The following PCNX2 variants were observed in gnomAD, a reference collection of about 807,000 sequenced individuals.
PCNX2 encodes pecanex 2, also known as pecanex-like protein 2.
Under a neutral mutation model 223.8 loss-of-function variants are expected in PCNX2, and 168 were observed. The ratio of observed to expected loss-of-function variants is 0.75; its 90% CI spans 0.66 to 0.85. The LOEUF (loss-of-function observed/expected upper bound fraction) is 0.85. Ranked by LOEUF, PCNX2 falls within the 40% of genes least tolerant of loss-of-function variation. The pLI is 0.00. For synonymous variants in PCNX2, 1,006 were observed against 1,052.6 expected (o/e 0.96, Z 0.86); for missense variants, 2,507 against 2,675.5 (o/e 0.94, Z 1.39).
At chr1:233,181,584 G>A (rs1016216229) in intron 15 of PCNX2, among the ~76,000 whole-genome samples, 4 of 152,066 alleles carry the variant, frequency 2.6e-5, no homozygotes, top group Admixed American at 6.6e-5. Context: ...TAGTCTGTTC[G>A]GGCTGATATA....
At chr1:233,101,392 G>C (rs1674478490) in intron 21 of PCNX2, among the ~76,000 whole-genome samples, 1 of 152,082 alleles carries the variant, frequency 6.6e-6, no homozygotes, top group African/African-American at 2.4e-5. Context: ...AATAGTAGCT[G>C]ACAATATGAG....
intron 10 of PCNX2, among the ~76,000 whole-genome samples, chr1:233,226,936 A>C (rs1240726662): frequency 1.3e-5 from 2 of 151,858 alleles, no homozygotes; most frequent in East Asian, 1.9e-4. Flanking sequence ...TTAAATACAA[A>C]CCATTTCTTA....
At chr1:233,322,035 C>T in the PCNX2 span, among the ~76,000 whole-genome samples, 23 of 152,108 alleles carry the variant, frequency 1.5e-4, no homozygotes, top group Non-Finnish European at 3.1e-4. Flanking sequence ...TTAAAGATTC[C>T]CAAACAGAAG....
At chr1:232,997,566 T>C (rs1669918287) in intron 32 of PCNX2, among the ~76,000 whole-genome samples, 1 of 152,242 alleles carries the variant, frequency 6.6e-6, no homozygotes, top group Non-Finnish European at 1.5e-5. Flanking sequence ...ATCTCTTTCA[T>C]GTTCCCAGGA....
intron 13 of PCNX2, among the ~76,000 whole-genome samples, chr1:233,204,865 C>T (rs980830127): frequency 8.5e-5 from 13 of 152,124 alleles, no homozygotes; most frequent in African/African-American, 2.4e-5. Flanking sequence ...ATGTATTAGG[C>T]AGAAGCTTTA....
the PCNX2 span, among the ~76,000 whole-genome samples, chr1:233,327,267 G>T: frequency 6.6e-6 from 1 of 151,868 alleles, no homozygotes; most frequent in Non-Finnish European, 1.5e-5. Context: ...ATTTATAGCG[G>T]ATGACGGCCG....
intron 23 of PCNX2, among the ~76,000 whole-genome samples, chr1:233,079,116 C>T (rs949082410): frequency 6.6e-6 from 1 of 152,166 alleles, no homozygotes; most frequent in Non-Finnish European, 1.5e-5. Flanking sequence ...TTGTCTGCCA[C>T]TCAGCCCTGG....
intron 23 of PCNX2, 143 bp downstream of exon 23, chr1:233,089,918 A>C (rs1673784941): frequency 4.8e-6 from 7 of 1,459,404 alleles, no homozygotes; most frequent in South Asian, 1.5e-5. Flanking sequence ...TGAACTGAGG[A>C]GGTCATCAAG....
Position 233,284,916 on chromosome 1 carries a change from G to A in PCNX2, c.153+10410C>T. 4 of 955,788 alleles carry A rather than the reference G, an allele frequency of 4.2e-6. No individual in the cohort carries two copies. In the South Asian group the frequency reaches 1.5e-4, roughly 35 times the overall value. The allele number at this position is 955,788 out of a possible 1,614,324, so 59.2% of individuals were successfully genotyped here. A position where few individuals can be genotyped will look rare whatever the true frequency, so the allele number is the denominator to read the frequency against. ...ACTGGTATGATCATCCAGGGTCATG[G>A]GGGGGATGATAGCAAGTAATGCTCC... On this transcript the variant is annotated intron_variant, in intron 1 of 33. Coordinates refer to ENST00000258229, the MANE Select transcript of PCNX2 (RefSeq NM_014801.4).
chr1:233,025,501 G>T, intron 25 of PCNX2, 102 bp from the exon 26 acceptor site: 1 of 1,429,066 alleles, frequency 7.0e-7, no homozygotes. Flanking sequence ...AGAGGCTGAA[G>T]GGAGTCGAGG....
In PCNX2 at chr1:232,989,535, C is replaced by T. The variant is rs950375509; in HGVS notation, c.5792-2995G>A. ...TTCCCAGAGAGGCAGGTCCTCCACTCTGAGAGGCCCCCAACCACCTCTCCA... is the reference window on the plus strand; with the variant it reads ...TTCCCAGAGAGGCAGGTCCTCCACTTTGAGAGGCCCCCAACCACCTCTCCA... On this transcript the variant is annotated intron_variant, in intron 32 of 33. Transcript: ENST00000258229. 3.3e-5 allele frequency among the ~76,000 whole-genome samples: 5 copies of T among 152,164 alleles called. No individual in the cohort carries two copies. In the South Asian group the frequency reaches 8.3e-4, roughly 25 times the overall value.
intron 25 of PCNX2, chr1:233,047,245 G>A: frequency 2.1e-6 from 1 of 478,504 alleles, no homozygotes. Context: ...GAAGTTCTGT[G>A]GTGGCTGGTT....
intron 9 of PCNX2, chr1:233,231,757 T>G (rs1444437923): frequency 1.4e-6 from 1 of 729,586 alleles, no homozygotes; most frequent in Non-Finnish European, 1.7e-6. Context: ...TGGTAGGGAC[T>G]CTGGTGTTAG....
At chr1:233,065,692 C>A (rs1025575667) in intron 23 of PCNX2, 1 of 151,330 alleles carries the variant, frequency 6.6e-6, no homozygotes, top group Non-Finnish European at 1.5e-5. Flanking sequence ...AAAAAAGCAT[C>A]AACAAACCCC....
chr1:233,270,787 A>G (rs1660600852), intron 1 of PCNX2, among the ~76,000 whole-genome samples: 1 of 152,174 alleles, frequency 6.6e-6, no homozygotes, highest in South Asian at 2.1e-4. Context: ...AATTGATGAT[A>G]GAGAGGTGAC....
At chr1:233,186,686 A>G (rs936699055) in intron 15 of PCNX2, among the ~76,000 whole-genome samples, 3 of 152,240 alleles carry the variant, frequency 2.0e-5, no homozygotes, top group Non-Finnish European at 4.4e-5. Context: ...GTCAGACTTC[A>G]CTATCTGCTA....
chr1:233,290,046 G>A (rs1184608062), intron 1 of PCNX2, among the ~76,000 whole-genome samples: 1 of 151,996 alleles, frequency 6.6e-6, no homozygotes, highest in Non-Finnish European at 1.5e-5. Flanking sequence ...AAGAAGTAAA[G>A]GAGGAAGGAA....
rs1402808488 is a variant in PCNX2, at chr1:233,263,129, T to C, written c.188A>G (p.Tyr63Cys). The change falls in exon 2 of 34, where the codon TAC becomes TGC. Residue 63 changes from tyrosine to cysteine, a missense_variant. Physicochemically the swap from Tyr to Cys is radical, Grantham distance 194 (BLOSUM62 -2). This residue lies in a region of PCNX2 where 1,031 missense variants were observed against 1,021.7 expected (regional missense o/e 1.01). Coordinates refer to ENST00000258229, the MANE Select transcript of PCNX2 (RefSeq NM_014801.4). ...FPPNAIIVFF[Y>C]CSAVTIFFTI... is the part of the protein sequence containing the mutation. ...GAAGAATATAGTCACTGCACTGCAG[T>C]AGAAAAATACAATGATCGCATTTGG... 7.4e-6 allele frequency: 12 copies of C among 1,611,318 alleles called. No individual in the cohort carries two copies. The highest frequency in any genetic ancestry group is 1.0e-5 in the Non-Finnish European group (12 of 1,178,526).
At chr1:233,101,029 C>T (rs962699438) in intron 21 of PCNX2, among the ~76,000 whole-genome samples, 1 of 152,124 alleles carries the variant, frequency 6.6e-6, no homozygotes, top group East Asian at 1.9e-4. Context: ...GCATGCAGTT[C>T]AAAGTGAGAG....
Sources: allele counts gnomAD v4.1 joint callset (sites outside exome capture counted in the v4.1 genomes callset), GRCh38; gene constraint gnomAD v4.1.1; regional missense constraint gnomAD v4.1.1; transcripts MANE v1.5; gene names NCBI Gene and HGNC (gene_info 2026-07-23, HGNC 2026-07-21).